Variants in TGFBR3 observed in about 807,000 individuals in gnomAD.
The protein encoded by TGFBR3 is transforming growth factor beta receptor 3, also known as transforming growth factor beta receptor type 3.
Under a neutral mutation model 87.9 loss-of-function variants are expected in TGFBR3, and 46 were observed. That is an observed-to-expected ratio of 0.52 (90% CI 0.41 to 0.67). TGFBR3 has a LOEUF of 0.67. TGFBR3 is among the 30% of genes least tolerant of loss of function. The pLI, the probability that TGFBR3 is intolerant of heterozygous loss-of-function variation, is 0.00. For missense variants in TGFBR3, 866 were observed against 1,041.9 expected (o/e 0.83, Z 2.32); for synonymous variants, 381 against 391.6 (o/e 0.97, Z 0.32).
At chr1:91,788,188 T>C (rs1675044027) in intron 3 of TGFBR3, among the ~76,000 whole-genome samples, 1 of 152,136 alleles carries the variant, frequency 6.6e-6, no homozygotes, top group Non-Finnish European at 1.5e-5. Context: ...AGTTCTTGGT[T>C]AATAGTGAAC....
rs747983418 is a variant in TGFBR3 at position 91,727,648 on chromosome 1, C to T, written c.885+11G>A. 3.1e-6 allele frequency: 5 copies of T among 1,613,884 alleles called. No homozygotes were observed. Among genetic ancestry groups the T allele is most frequent in the Non-Finnish European group, 4.2e-6 (5 of 1,179,954 alleles). On this transcript the variant is annotated intron_variant, in intron 7 of 16. Transcript: ENST00000212355. ...TCTAAACAAAACAAAAGACATGCTC[C>T]ACCAACTTACAATAATTTTCAGGCT...
intron 4 of TGFBR3, among the ~76,000 whole-genome samples, chr1:91,735,547 G>A (rs1464327753): frequency 6.6e-6 from 1 of 152,240 alleles, no homozygotes; most frequent in Admixed American, 6.5e-5. Context: ...ATAAGAGTGA[G>A]ATGAATGTTT....
Position 91,716,723 on chromosome 1 carries a change from A to C in TGFBR3, c.1567-15T>G. Reference sequence around the variant, plus strand: ...TGTATCACAATCTAAAAGGCAAAGAAAGCACAGCCAATGTTATAAAAACAC... The same window carrying C: ...TGTATCACAATCTAAAAGGCAAAGACAGCACAGCCAATGTTATAAAAACAC... On this transcript the variant is annotated splice_polypyrimidine_tract_variant and intron_variant, in intron 10 of 16. Transcript: ENST00000212355. The C allele has an allele frequency of 1.2e-6, 2 of 1,614,092 alleles. No homozygotes were observed. Among genetic ancestry groups the C allele is most frequent in the Non-Finnish European group, 1.7e-6 (2 of 1,180,010 alleles).
intron 4 of TGFBR3, 56 bp downstream of exon 4, chr1:91,758,557 A>T: frequency 1.2e-6 from 2 of 1,608,074 alleles, no homozygotes; most frequent in Admixed American, 3.3e-5. Context: ...GGCAAAGTTT[A>T]AGGACCATTA....
chr1:91,847,388 G>A (rs1337675038), intron 2 of TGFBR3, among the ~76,000 whole-genome samples: 1 of 152,116 alleles, frequency 6.6e-6, no homozygotes, highest in Non-Finnish European at 1.5e-5. Flanking sequence ...CAGATCACCT[G>A]AGGTTGGGAG....
At chr1:91,796,852 G>T (rs205710) in intron 3 of TGFBR3, among the ~76,000 whole-genome samples, 1 of 151,970 alleles carries the variant, frequency 6.6e-6, no homozygotes, top group African/African-American at 2.4e-5. Context: ...AAGTAGCTGG[G>T]ACTACATGTG....
chr1:91,877,090 C>T (rs560951338), intron 1 of TGFBR3, among the ~76,000 whole-genome samples: 1 of 152,216 alleles, frequency 6.6e-6, no homozygotes, highest in Non-Finnish European at 1.5e-5. Context: ...TACCTATCTA[C>T]CTACTTGAAA....
At chr1:91,800,283 C>T (rs1250293358) in intron 2 of TGFBR3, among the ~76,000 whole-genome samples, 4 of 145,402 alleles carry the variant, frequency 2.8e-5, no homozygotes, top group Admixed American at 6.8e-5. Context: ...CACACACTCA[C>T]GCATATATAT....
intron 14 of TGFBR3, among the ~76,000 whole-genome samples, chr1:91,707,667 C>A (rs1471975747): frequency 1.3e-5 from 2 of 152,212 alleles, no homozygotes; most frequent in African/African-American, 4.8e-5. Flanking sequence ...CGAGAGGCAG[C>A]CTGTAGCTCT....
intron 1 of TGFBR3, among the ~76,000 whole-genome samples, chr1:91,883,477 A>G (rs886536557): frequency 9.2e-5 from 14 of 152,214 alleles, no homozygotes; most frequent in African/African-American, 3.4e-4. Context: ...AAAGCAACTT[A>G]GTTATTTTGC....
chr1:91,689,423 C>T (rs1487919594), intron 16 of TGFBR3, among the ~76,000 whole-genome samples: 1 of 152,122 alleles, frequency 6.6e-6, no homozygotes, highest in African/African-American at 2.4e-5. Flanking sequence ...CTTTCTGTTG[C>T]TCATGGCTAT....
At chr1:91,864,530 G>T (rs1321531549) in intron 1 of TGFBR3, among the ~76,000 whole-genome samples, 1 of 152,184 alleles carries the variant, frequency 6.6e-6, no homozygotes, top group Non-Finnish European at 1.5e-5. Context: ...TAGCTTAAAA[G>T]TCTCTCCATA....
intron 16 of TGFBR3, among the ~76,000 whole-genome samples, chr1:91,689,551 A>C (rs1217264726): frequency 6.6e-6 from 1 of 152,246 alleles, no homozygotes; most frequent in Non-Finnish European, 1.5e-5. Flanking sequence ...GCTGACACTA[A>C]ACAGAGGCAA....
rs1670869917 is a variant in TGFBR3, at chr1:91,680,454, GAAAAGAA to G, written c.*3278_*3284del. ...CAAAATAGCTGACACACTGAACAGAGAAAAGAATACAACAGGGGTGTTCAAACTGGCC... is the reference window on the plus strand; with the variant it reads ...CAAAATAGCTGACACACTGAACAGAGTACAACAGGGGTGTTCAAACTGGCC... On this transcript the variant is annotated 3_prime_UTR_variant, in exon 17 of 17. Coordinates refer to ENST00000212355, the MANE Select transcript of TGFBR3 (RefSeq NM_003243.5). 2.2e-6 allele frequency: 1 copy of G among 453,910 alleles called. No individual in the cohort carries two copies. The highest frequency in any genetic ancestry group is 4.4e-6 in the Non-Finnish European group (1 of 226,780). 28.1% of individuals were successfully genotyped at this position (453,910 alleles called of 1,614,324 possible). A position where few individuals can be genotyped will look rare whatever the true frequency, so the allele number is the denominator to read the frequency against.
At chr1:91,768,161 G>A (rs983478936) in intron 3 of TGFBR3, among the ~76,000 whole-genome samples, 12 of 148,766 alleles carry the variant, frequency 8.1e-5, no homozygotes, top group Non-Finnish European at 1.5e-4. Flanking sequence ...GAGTTGAGCC[G>A]AGATCATGCC....
rs531753243 is a variant in TGFBR3, at chr1:91,763,243, C to T, written c.247-4493G>A. Among the ~76,000 whole-genome samples, 3 of 152,206 alleles carry T rather than the reference C, an allele frequency of 2.0e-5. No homozygotes were observed. The East Asian group carries it at 5.8e-4, about 29-fold the overall frequency. On this transcript the variant is annotated intron_variant, in intron 3 of 16. Coordinates refer to ENST00000212355, the MANE Select transcript of TGFBR3 (RefSeq NM_003243.5). Reference sequence around the variant, plus strand: ...ATTTCAGAATATGAATTAGTTAGACCCCCTACTTCTGGGGTTCATTAAAAC... The same window carrying T: ...ATTTCAGAATATGAATTAGTTAGACTCCCTACTTCTGGGGTTCATTAAAAC...
Position 91,729,805 on chromosome 1 carries a change from C to G in TGFBR3, c.737G>C (p.Ser246Thr). 6.2e-7 allele frequency: 1 copy of G among 1,614,118 alleles called. No homozygotes were observed. The highest frequency in any genetic ancestry group is 8.5e-7 in the Non-Finnish European group (1 of 1,179,992). Residue 246 changes from serine (S) to threonine (T), a missense_variant and splice_region_variant, in exon 6 of 17, where the codon AGT (serine) becomes ACT (threonine). Transcript: ENST00000212355. ...CACTCACACACTTAGACTCACTTAC[C>G]TGTAGGGGTTAGAGTTGGGGGTGAT... Reference protein sequence around the residue: ...ELITPNSNPYSAFQVDITIDI... With the variant: ...ELITPNSNPYTAFQVDITIDI...
chr1:91,683,338 A>G lies in TGFBR3; in HGVS notation c.*401T>C, dbSNP rs764740196. 4 of 471,754 alleles carry G rather than the reference A, an allele frequency of 8.5e-6. No individual in the cohort carries two copies. The highest frequency in any genetic ancestry group is 5.9e-5 in the African/African-American group (3 of 50,778). 29.2% of individuals were successfully genotyped at this position (471,754 alleles called of 1,614,324 possible). ...GCCGCATCTCCTCACTGGTTCTACT[A>G]TCTGGCTATTAACCCTTTACCAACT... On this transcript the variant is annotated 3_prime_UTR_variant, in exon 17 of 17. Coordinates refer to ENST00000212355, the MANE Select transcript of TGFBR3 (RefSeq NM_003243.5).
intron 14 of TGFBR3, 83 bp from the exon 15 acceptor site, chr1:91,698,213 G>C: frequency 8.6e-7 from 1 of 1,162,910 alleles, no homozygotes; most frequent in Admixed American, 1.7e-5. Context: ...AGCAGAAACT[G>C]ACACTTTTCC....
Sources: allele counts gnomAD v4.1 joint callset (sites outside exome capture counted in the v4.1 genomes callset), GRCh38; gene constraint gnomAD v4.1.1; transcripts MANE v1.5; gene names NCBI Gene and HGNC (gene_info 2026-07-23, HGNC 2026-07-21).